TMOD3: variants seen among roughly 807,000 people sequenced by gnomAD.
TMOD3 encodes tropomodulin 3.
A neutral mutation model predicts 39.2 loss-of-function variants in TMOD3; 20 were observed. The ratio of observed to expected loss-of-function variants is 0.51; its 90% CI spans 0.36 to 0.74. The LOEUF is 0.74. TMOD3 is among the 30% of genes least tolerant of loss of function. The probability of loss-of-function intolerance (pLI) is 0.00; values close to 1 mark genes in which losing one functional copy is unlikely to be tolerated. For missense variants in TMOD3, 381 were observed against 412.8 expected (o/e 0.92, Z 0.67); for synonymous variants, 143 against 145.8 (o/e 0.98, Z 0.14).
At chr15:51,891,346 A>T (rs2056592414) in intron 5 of TMOD3, among the ~76,000 whole-genome samples, 1 of 148,280 alleles carries the variant, frequency 6.7e-6, no homozygotes, top group Non-Finnish European at 1.5e-5. Context: ...ACCTTATGGT[A>T]TCATTTTATG....
chr15:51,833,881 A>G (rs1175820132), intron 1 of TMOD3, among the ~76,000 whole-genome samples: 1 of 152,230 alleles, frequency 6.6e-6, no homozygotes, highest in African/African-American at 2.4e-5. Context: ...AATCTGCCAA[A>G]CAGTTCTCCA....
intron 1 of TMOD3, among the ~76,000 whole-genome samples, chr15:51,830,886 A>T (rs2056251620): frequency 6.6e-6 from 1 of 152,346 alleles, no homozygotes; most frequent in African/African-American, 2.4e-5. Flanking sequence ...AAGAGTCAGC[A>T]ATCATAATAG....
At chr15:51,864,951 C>T (rs552169539) in intron 2 of TMOD3, among the ~76,000 whole-genome samples, 1 of 152,180 alleles carries the variant, frequency 6.6e-6, no homozygotes, top group East Asian at 1.9e-4. Context: ...AGCAAGGCCC[C>T]AAGATGTCAA....
At chr15:51,831,119 A>C (rs1463694174) in intron 1 of TMOD3, among the ~76,000 whole-genome samples, 1 of 152,232 alleles carries the variant, frequency 6.6e-6, no homozygotes, top group Non-Finnish European at 1.5e-5. Context: ...TTCAGGAAAC[A>C]CTGGCGATAT....
intron 1 of TMOD3, among the ~76,000 whole-genome samples, chr15:51,834,184 T>G (rs2056269772): frequency 6.6e-6 from 1 of 152,216 alleles, no homozygotes; most frequent in South Asian, 2.1e-4. Context: ...ACAAGTTCTT[T>G]GTCACATATA....
chr15:51,835,787 C>G (rs79733905), intron 1 of TMOD3, among the ~76,000 whole-genome samples: 8 of 152,320 alleles, frequency 5.3e-5, no homozygotes, highest in Non-Finnish European at 1.0e-4. Context: ...TCTTATGTAG[C>G]TATTTTTACT....
chr15:51,892,990 T>A (rs1488649226), intron 5 of TMOD3, among the ~76,000 whole-genome samples: 1 of 152,144 alleles, frequency 6.6e-6, no homozygotes, highest in Non-Finnish European at 1.5e-5. Context: ...AAAATTTTAT[T>A]TGGGTGCTTT....
At chr15:51,898,988 A>G (rs990919355) in intron 7 of TMOD3, 1 of 152,232 alleles carries the variant, frequency 6.6e-6, no homozygotes, top group Non-Finnish European at 1.5e-5. Context: ...TGAGAAATGA[A>G]ATAGAAGCAG....
chr15:51,859,265 C>T, intron 1 of TMOD3: 1 of 740,144 alleles, frequency 1.4e-6, no homozygotes, highest in Non-Finnish European at 2.5e-6. Context: ...TCATTGCTCG[C>T]CAGTAGATCT....
intron 3 of TMOD3, among the ~76,000 whole-genome samples, chr15:51,873,251 T>G (rs1233225887): frequency 2.6e-5 from 4 of 152,226 alleles, no homozygotes; most frequent in African/African-American, 9.6e-5. Flanking sequence ...TTAATCTCTG[T>G]AGCTCCAAAA....
chr15:51,841,637 C>T (rs151330221), intron 1 of TMOD3, among the ~76,000 whole-genome samples: 27 of 152,338 alleles, frequency 1.8e-4, no homozygotes, highest in African/African-American at 5.3e-4. Context: ...CTTCAGTTAT[C>T]ACCAGTCTTA....
chr15:51,869,788 A>T (rs1285153214), intron 3 of TMOD3, among the ~76,000 whole-genome samples: 1 of 152,230 alleles, frequency 6.6e-6, no homozygotes, highest in Non-Finnish European at 1.5e-5. Context: ...AAGCTATTCT[A>T]TACCCATCAT....
chr15:51,869,289 G>A lies in TMOD3; in HGVS notation c.199G>A (p.Glu67Lys). 1.2e-6 allele frequency: 2 copies of A among 1,614,156 alleles called. No individual in the cohort carries two copies. Among genetic ancestry groups the A allele is most frequent in the Non-Finnish European group, 1.7e-6 (2 of 1,180,020 alleles). The change falls in exon 3 of 10, where the codon GAG (glutamate) becomes AAG (lysine). Residue 67 changes from glutamate to lysine, a missense_variant. By Grantham distance (56) the Glu-to-Lys change is moderately conservative (BLOSUM62 1). Coordinates refer to ENST00000308580, the MANE Select transcript of TMOD3 (RefSeq NM_014547.5). ...GTCCACCACAGGGCCATTTGATAGA[G>A]AGCATCTCCTTTCATATCTGGAGAA... ...SKSTTGPFDR[E>K]HLLSYLEKEA...
intron 1 of TMOD3, among the ~76,000 whole-genome samples, chr15:51,855,859 A>T (rs1200765745): frequency 6.6e-6 from 1 of 152,248 alleles, no homozygotes; most frequent in Non-Finnish European, 1.5e-5. Context: ...TCCTGCTGGC[A>T]CTTGGAACAT....
intron 1 of TMOD3, among the ~76,000 whole-genome samples, chr15:51,851,863 C>G (rs1185073582): frequency 6.6e-6 from 1 of 152,240 alleles, no homozygotes; most frequent in Non-Finnish European, 1.5e-5. Flanking sequence ...GCCATCATTT[C>G]TCACCTAGAT....
intron 5 of TMOD3, among the ~76,000 whole-genome samples, chr15:51,892,901 C>A (rs775373265): frequency 6.6e-6 from 1 of 152,066 alleles, no homozygotes; most frequent in Non-Finnish European, 1.5e-5. Flanking sequence ...TATACTAAGA[C>A]AATGAAAATA....
intron 6 of TMOD3, among the ~76,000 whole-genome samples, chr15:51,895,864 T>G (rs2470608): frequency 0.37 from 56,019 of 151,990 alleles, 10,679 homozygotes; most frequent in Middle Eastern, 0.43. Flanking sequence ...ATCCCAGCAC[T>G]TTGGGAGGCC....
intron 3 of TMOD3, 101 bp downstream of exon 3, chr15:51,869,474 A>G (rs2056464333): frequency 1.8e-6 from 2 of 1,113,606 alleles, no homozygotes; most frequent in Admixed American, 2.5e-5. Flanking sequence ...CATCATTGGT[A>G]GCCTTAAATA....
At chr15:51,881,534 C>T (rs1566862239) in intron 3 of TMOD3, among the ~76,000 whole-genome samples, 1 of 135,956 alleles carries the variant, frequency 7.4e-6, no homozygotes, top group Non-Finnish European at 1.6e-5. Context: ...CACGGAGATA[C>T]AATCTTTCTT....
Sources: allele counts gnomAD v4.1 joint callset (sites outside exome capture counted in the v4.1 genomes callset), GRCh38; gene constraint gnomAD v4.1.1; transcripts MANE v1.5; gene names NCBI Gene and HGNC (gene_info 2026-07-23, HGNC 2026-07-21).